Variants in SRPX observed in about 807,000 individuals in gnomAD.
The protein encoded by SRPX is sushi repeat containing protein X-linked.
A neutral mutation model predicts 38.1 loss-of-function variants in SRPX; 24 were observed. That is an observed-to-expected ratio of 0.63 (90% CI 0.46 to 0.89). The LOEUF is 0.89. Ranked by LOEUF, SRPX falls within the 40% of genes least tolerant of loss-of-function variation. The pLI, the probability that SRPX is intolerant of heterozygous loss-of-function variation, is 0.00. For missense variants in SRPX, 416 were observed against 377.8 expected, an observed-to-expected ratio of 1.10 and a Z score of -0.84; for synonymous variants, 184 against 153.8, an observed-to-expected ratio of 1.20 and a Z score of -1.45.
chrX:38,163,999 T>C (rs750019955), intron 5 of SRPX, among the ~76,000 whole-genome samples: 1 of 111,713 alleles, frequency 9.0e-6, no homozygotes, highest in East Asian at 2.8e-4. Flanking sequence ...GGGGTGGCTC[T>C]ATTCTTAAAT....
At chrX:38,170,683 C>T (rs1018005231) in intron 4 of SRPX, among the ~76,000 whole-genome samples, 1 of 111,893 alleles carries the variant, frequency 8.9e-6, no homozygotes, top group African/African-American at 3.3e-5. Context: ...AGGTTCCAGG[C>T]GCATCTGGTC....
chrX:38,199,575 C>A (rs1939071666), intron 1 of SRPX, among the ~76,000 whole-genome samples: 1 of 110,708 alleles, frequency 9.0e-6, no homozygotes, highest in Non-Finnish European at 1.9e-5. Context: ...CTTTGGCTAG[C>A]CCCATCACCT....
chrX:38,159,958 G>C, intron 7 of SRPX, 59 bp downstream of exon 7: 1 of 1,139,676 alleles, frequency 8.8e-7, no homozygotes. Context: ...TCTTGCACTG[G>C]AATCAAGAAC....
chrX:38,173,877 T>C (rs144800522), intron 3 of SRPX, among the ~76,000 whole-genome samples: 1,908 of 111,965 alleles, frequency 0.017, 12 homozygotes, highest in Non-Finnish European at 0.024. Flanking sequence ...GTCTTATTTG[T>C]TTCTAAATCC....
At chrX:38,170,758 T>C (rs1430674724) in intron 4 of SRPX, among the ~76,000 whole-genome samples, 1 of 112,115 alleles carries the variant, frequency 8.9e-6, no homozygotes, top group Non-Finnish European at 1.9e-5. Context: ...TTGCACACAA[T>C]CTGGAAATTT....
At chrX:38,204,725 A>C (rs1939179575) in intron 1 of SRPX, among the ~76,000 whole-genome samples, 1 of 112,419 alleles carries the variant, frequency 8.9e-6, no homozygotes, top group South Asian at 3.7e-4. Flanking sequence ...CTCAGCATTG[A>C]ATTTAACATT....
chrX:38,179,655 T>C (rs1347847853), intron 1 of SRPX, among the ~76,000 whole-genome samples: 1 of 111,546 alleles, frequency 9.0e-6, no homozygotes, highest in East Asian at 2.8e-4. Context: ...AAACTGAAAG[T>C]GGAGAGGAGA....
At chrX:38,191,184 C>G (rs1432560150) in intron 1 of SRPX, among the ~76,000 whole-genome samples, 1 of 111,741 alleles carries the variant, frequency 8.9e-6, no homozygotes, top group Non-Finnish European at 1.9e-5. Context: ...AAAGCTTTTT[C>G]GAAACTGGTT....
intron 5 of SRPX, among the ~76,000 whole-genome samples, chrX:38,163,994 G>A (rs1326552255): frequency 1.8e-5 from 2 of 111,115 alleles, no homozygotes; most frequent in Middle Eastern, 4.2e-3. Context: ...CAATGGGGGT[G>A]GCTCTATTCT....
At chrX:38,218,227 C>T (rs752044562) in intron 1 of SRPX, among the ~76,000 whole-genome samples, 52 of 112,539 alleles carry the variant, frequency 4.6e-4, no homozygotes, top group Non-Finnish European at 5.8e-4. Flanking sequence ...GGCCATGGTA[C>T]TCATTCTCCA....
Position 38,156,970 on chromosome X carries a change from T to C in SRPX, c.1015A>G (p.Lys339Glu), listed in dbSNP as rs1393517666. Residue 339 changes from lysine to glutamate, a missense_variant, in exon 8 of 10, where the codon AAA becomes GAA. Transcript: ENST00000378533. Reference sequence around the variant, plus strand: ...GTGGACACAATGAGGAGTCTCCTTTTCTCATAAAACTGATCCAGAAGTGCA... The same window carrying C: ...GTGGACACAATGAGGAGTCTCCTTTCCTCATAAAACTGATCCAGAAGTGCA... ...AAALLDQFYEKRRLLIVSTPT... is the reference protein window; with the variant it reads ...AAALLDQFYEERRLLIVSTPT... The C allele has an allele frequency of 8.3e-7, 1 of 1,211,578 alleles. No homozygotes were observed. Among genetic ancestry groups the C allele is most frequent in the Non-Finnish European group, 1.1e-6 (1 of 895,391 alleles).
intron 8 of SRPX, among the ~76,000 whole-genome samples, chrX:38,155,922 T>C (rs1938124408): frequency 8.9e-6 from 1 of 111,906 alleles, no homozygotes. Flanking sequence ...ACAAAAATTT[T>C]ATATGGCTCT....
intron 1 of SRPX, among the ~76,000 whole-genome samples, chrX:38,219,603 T>C (rs377013593): frequency 1.9e-5 from 2 of 105,317 alleles, no homozygotes; most frequent in African/African-American, 6.8e-5. Context: ...CATTCATTTA[T>C]TTAGGTGCGT....
intron 1 of SRPX, among the ~76,000 whole-genome samples, chrX:38,194,862 G>GTTTTTT (rs1938965542): frequency 1.3e-5 from 1 of 78,364 alleles, no homozygotes; most frequent in Admixed American, 1.5e-4. Context: ...GTTTGTTTTT[G>GTTTTTT]GTTTTTTTTT....
chrX:38,182,282 C>T (rs1015943645), intron 1 of SRPX, among the ~76,000 whole-genome samples: 1 of 112,263 alleles, frequency 8.9e-6, no homozygotes, highest in Non-Finnish European at 1.9e-5. Flanking sequence ...CTAGGCCTTA[C>T]TGCCTTCTGC....
At chrX:38,192,874 G>A (rs1389721010) in intron 1 of SRPX, among the ~76,000 whole-genome samples, 2 of 112,690 alleles carry the variant, frequency 1.8e-5, no homozygotes. Flanking sequence ...GGCAGTATGT[G>A]CCCTAAAGGG....
intron 4 of SRPX, 57 bp downstream of exon 4, chrX:38,171,824 A>C (rs1021621801): frequency 8.7e-5 from 100 of 1,143,744 alleles, no homozygotes; most frequent in Non-Finnish European, 1.2e-4. Context: ...CCACGATGTG[A>C]ACACCCCCTG....
chrX:38,216,898 T>C (rs1441615309), intron 1 of SRPX, among the ~76,000 whole-genome samples: 1 of 112,348 alleles, frequency 8.9e-6, no homozygotes, highest in Non-Finnish European at 1.9e-5. Context: ...GCAGTCAGTC[T>C]CTCATCTTAC....
intron 1 of SRPX, among the ~76,000 whole-genome samples, chrX:38,198,052 G>A (rs1939028975): frequency 8.9e-6 from 1 of 112,304 alleles, no homozygotes; most frequent in Admixed American, 9.4e-5. Context: ...ATGATTCTGT[G>A]AAATTGTAGT....
Sources: gnomAD v4.1 joint callset for allele counts (sites outside exome capture counted in the v4.1 genomes callset) on GRCh38, gnomAD v4.1.1 for gene constraint, MANE v1.5 for transcripts, NCBI Gene and HGNC (gene_info 2026-07-23, HGNC 2026-07-21) for gene names.